MLXIPL: variants seen among roughly 807,000 people sequenced by gnomAD.
The protein encoded by MLXIPL is MLX interacting protein like.
MLXIPL carries 49 observed loss-of-function variants against 81.5 expected under a neutral mutation model. The observed-to-expected ratio is 0.60, with a 90% CI of 0.48 to 0.76. The LOEUF (loss-of-function observed/expected upper bound fraction) is 0.76, where lower values mean the gene tolerates loss of function less well. Ranked by LOEUF, MLXIPL falls within the 30% of genes least tolerant of loss-of-function variation. The pLI is 0.00. For synonymous variants in MLXIPL, 466 were observed against 485.5 expected, an observed-to-expected ratio of 0.96 and a Z score of 0.53; for missense variants, 1,053 against 1,167.0, an observed-to-expected ratio of 0.90 and a Z score of 1.42.
At chr7:73,641,609 T>G in the MLXIPL span, among the ~76,000 whole-genome samples, 2 of 152,174 alleles carry the variant, frequency 1.3e-5, no homozygotes, top group African/African-American at 2.4e-5. Flanking sequence ...ACCAGCTGTG[T>G]GTCCTGCGAT....
In MLXIPL at chr7:73,623,885, G is replaced by T. The variant is rs1016630455; in HGVS notation, c.293+315C>A. On this transcript the variant is annotated intron_variant, in intron 1 of 16. Coordinates refer to ENST00000313375, the MANE Select transcript of MLXIPL (RefSeq NM_032951.3). This position sits in a 1 kb window ranked among gnomAD's most constrained non-coding sequence, Gnocchi z 5.7. ...CTGGCATTTTTGTAGGGACGGAGGG[G>T]CTGGGACCAGAGAGAGGGGACCAGA... 4.6e-5 allele frequency among the ~76,000 whole-genome samples: 7 copies of T among 152,054 alleles called. No individual in the cohort carries two copies. The highest frequency in any genetic ancestry group is 1.0e-4 in the Non-Finnish European group (7 of 68,014).
intron 8 of MLXIPL, among the ~76,000 whole-genome samples, chr7:73,599,270 G>A (rs1363297906): frequency 2.6e-5 from 4 of 151,700 alleles, no homozygotes; most frequent in African/African-American, 9.7e-5. Flanking sequence ...TCTCCAGGAA[G>A]CCTTCCACAA....
chr7:73,627,879 G>A (rs1383931496), upstream of MLXIPL, among the ~76,000 whole-genome samples: 2 of 152,162 alleles, frequency 1.3e-5, no homozygotes, highest in Non-Finnish European at 2.9e-5. Flanking sequence ...TTGCTCTGCT[G>A]CTAATTCCAT....
chr7:73,620,039 G>A (rs1283498743), intron 1 of MLXIPL, among the ~76,000 whole-genome samples: 1 of 151,874 alleles, frequency 6.6e-6, no homozygotes, highest in Non-Finnish European at 1.5e-5. Context: ...GGAGGCTGAG[G>A]GGAGAGGATC....
intron 16 of MLXIPL, 69 bp downstream of exon 16, chr7:73,594,205 G>T: frequency 6.3e-7 from 1 of 1,599,410 alleles, no homozygotes. Context: ...TGGGATCTAA[G>T]CAGGGTGGAA....
At chr7:73,607,460 G>T in intron 3 of MLXIPL, 40 bp from the exon 4 acceptor site, 1 of 1,526,988 alleles carries the variant, frequency 6.5e-7, no homozygotes, top group Non-Finnish European at 8.9e-7. Flanking sequence ...GTAGAGAGGG[G>T]AGCACCGCAC....
chr7:73,594,068 A>G (rs1476720317), intron 16 of MLXIPL, 85 bp from the exon 17 acceptor site: 3 of 1,394,728 alleles, frequency 2.2e-6, no homozygotes, highest in Non-Finnish European at 1.0e-6. Flanking sequence ...GGATAGGGGG[A>G]GGTATTAGTT....
intron 7 of MLXIPL, among the ~76,000 whole-genome samples, chr7:73,603,034 C>A (rs148238526): frequency 6.6e-6 from 1 of 152,202 alleles, no homozygotes; most frequent in Non-Finnish European, 1.5e-5. Flanking sequence ...GTCCCCTCCA[C>A]GGACCTGACC....
At position 73,593,906 on chromosome 7, in the gene MLXIPL, T is replaced by A; in HGVS notation, c.2518A>T (p.Thr840Ser). 6.2e-7 allele frequency: 1 copy of A among 1,614,126 alleles called. No individual in the cohort carries two copies. Among genetic ancestry groups the A allele is most frequent in the Non-Finnish European group, 8.5e-7 (1 of 1,180,014 alleles). The change falls in exon 17 of 17, where the codon ACA becomes TCA. Residue 840 changes from threonine (T) to serine (S), a missense_variant. By Grantham distance (58) the Thr-to-Ser change is moderately conservative (BLOSUM62 1). Transcript: ENST00000313375. ...AGGGTGCCCTCTGTGACTGCCCGTG[T>A]GGCTTGCTCAGGGATGCGGCCCGGG... ...TDPGRIPEQATRAVTEGTLGK... is the reference protein window; with the variant it reads ...TDPGRIPEQASRAVTEGTLGK...
the MLXIPL span, among the ~76,000 whole-genome samples, chr7:73,631,820 C>A: frequency 6.9e-6 from 1 of 145,322 alleles, no homozygotes; most frequent in African/African-American, 2.5e-5. Flanking sequence ...CTCCTCTCTT[C>A]TCTCCAGTCT....
upstream of MLXIPL, among the ~76,000 whole-genome samples, chr7:73,626,469 ATT>A (rs35194433): frequency 4.1e-5 from 6 of 148,016 alleles, no homozygotes; most frequent in East Asian, 2.0e-4. Context: ...AACCTGGCTA[ATT>A]TTTTTTTTTT....
At chr7:73,610,928 A>G (rs1291314798) in intron 2 of MLXIPL, 2 of 151,264 alleles carry the variant, frequency 1.3e-5, no homozygotes, top group Non-Finnish European at 2.9e-5. Flanking sequence ...GGTTCGAACA[A>G]TTCTCCTGCC....
intron 1 of MLXIPL, among the ~76,000 whole-genome samples, chr7:73,621,449 C>G (rs1031227753): frequency 6.6e-5 from 10 of 151,812 alleles, no homozygotes; most frequent in African/African-American, 1.9e-4. Flanking sequence ...TGGTCAAGCT[C>G]GCTGTTCTTC....
chr7:73,634,334 C>T, the MLXIPL span, among the ~76,000 whole-genome samples: 1 of 152,064 alleles, frequency 6.6e-6, no homozygotes, highest in East Asian at 1.9e-4. Context: ...GAGTTCAAGA[C>T]CAGCCTGGGC....
At chr7:73,626,633 TTAAC>T (rs1260682643), upstream of MLXIPL, among the ~76,000 whole-genome samples, 1 of 152,122 alleles carries the variant, frequency 6.6e-6, no homozygotes, top group Non-Finnish European at 1.5e-5. Flanking sequence ...ACTGGAGCGT[TTAAC>T]TAACAGCCTC....
At chr7:73,644,116 C>T in the MLXIPL span, among the ~76,000 whole-genome samples, 1 of 151,904 alleles carries the variant, frequency 6.6e-6, no homozygotes, top group Admixed American at 6.6e-5. Flanking sequence ...CAGACTGGTC[C>T]CAAACTTCTG....
intron 2 of MLXIPL, among the ~76,000 whole-genome samples, chr7:73,613,910 G>A (rs72649040): frequency 0.01 from 1,581 of 152,266 alleles, 15 homozygotes; most frequent in Non-Finnish European, 0.017. Flanking sequence ...GCTGAGGCGG[G>A]CAGATCATCT....
the MLXIPL span, among the ~76,000 whole-genome samples, chr7:73,638,662 G>C: frequency 2.7e-4 from 41 of 151,908 alleles, no homozygotes; most frequent in African/African-American, 9.2e-4. Context: ...TCACTCTGTG[G>C]CCCAGGTTGG....
intron 16 of MLXIPL, 141 bp downstream of exon 16, chr7:73,594,133 A>G: frequency 6.9e-7 from 1 of 1,449,250 alleles, no homozygotes; most frequent in South Asian, 1.2e-5. Context: ...TGGTGGCCAG[A>G]GGACCATCTG....
Sources: allele counts gnomAD v4.1 joint callset (sites outside exome capture counted in the v4.1 genomes callset), GRCh38; gene constraint gnomAD v4.1.1; non-coding constraint Gnocchi (gnomAD v3.1); transcripts MANE v1.5; gene names NCBI Gene and HGNC (gene_info 2026-07-23, HGNC 2026-07-21).